The following NAT16 variants were observed in gnomAD, a reference collection of about 807,000 sequenced individuals.
NAT16 encodes the protein probable N-acetyltransferase 16.
A neutral mutation model predicts 15.9 loss-of-function variants in NAT16; 16 were observed. The ratio of observed to expected loss-of-function variants is 1.01; its 90% CI spans 0.68 to 1.53. The LOEUF is 1.53. NAT16 is among the 40% of genes most tolerant of loss of function. The probability of loss-of-function intolerance (pLI) is 0.00; values close to 1 mark genes in which losing one functional copy is unlikely to be tolerated. For synonymous variants in NAT16, 260 were observed against 241.9 expected, an observed-to-expected ratio of 1.07 and a Z score of -0.69; for missense variants, 572 against 508.4, an observed-to-expected ratio of 1.13 and a Z score of -1.20.
rs1396458548 is a variant in NAT16 at position 101,174,510 on chromosome 7, G to A, written c.298C>T (p.Arg100Cys). The A allele has an allele frequency of 6.2e-7, 1 of 1,612,350 alleles. No homozygotes were observed. The highest frequency in any genetic ancestry group is 8.5e-7 in the Non-Finnish European group (1 of 1,179,434). The change falls in exon 2 of 4, where the codon CGC becomes TGC. Residue 100 changes from arginine (R) to cysteine (C), a missense_variant. Physicochemically the swap from Arg to Cys is radical, Grantham distance 180 (BLOSUM62 -3). Coordinates refer to ENST00000300303, the MANE Select transcript of NAT16 (RefSeq NM_198571.3). ...DPDRTVVLAK[R>C]NGGVIALESV... ...CCCGGGCTCACCACGCCTCCGTTGC[G>A]CTTGGCCAGCACCACCGTGCGGTCG...
At chr7:101,176,325 T>C (rs1343421259) in intron 1 of NAT16, among the ~76,000 whole-genome samples, 1 of 151,842 alleles carries the variant, frequency 6.6e-6, no homozygotes, top group Non-Finnish European at 1.5e-5. Context: ...TGAAACCCCA[T>C]CTCTACCAAA....
At position 101,171,808 on chromosome 7, in the gene NAT16, A is replaced by G; in HGVS notation, c.*271T>C. On this transcript the variant is annotated 3_prime_UTR_variant, in exon 4 of 4. Transcript: ENST00000300303. ...TTCTTTGGAAAAACAGAGGGTGGAT[A>G]ACAGCAGCTCAAGGCCCCCACCCCC... 6.9e-6 allele frequency: 3 copies of G among 437,268 alleles called. No individual in the cohort carries two copies. Among genetic ancestry groups the G allele is most frequent in the Non-Finnish European group, 1.2e-5 (3 of 246,110 alleles). The allele number at this position is 437,268 out of a possible 1,614,324, so 27.1% of individuals were successfully genotyped here.
At chr7:101,175,481 C>T (rs1293471827) in intron 1 of NAT16, among the ~76,000 whole-genome samples, 1 of 151,974 alleles carries the variant, frequency 6.6e-6, no homozygotes, top group Non-Finnish European at 1.5e-5. Flanking sequence ...TTCCCACCAG[C>T]TTTCAGAAAT....
At chr7:101,176,672 A>G (rs568120450) in intron 1 of NAT16, among the ~76,000 whole-genome samples, 1 of 142,172 alleles carries the variant, frequency 7.0e-6, no homozygotes, top group East Asian at 2.1e-4. Context: ...TCGGAGCTCC[A>G]CCAAAATGAA....
Position 101,174,579 on chromosome 7 carries a change from G to C in NAT16, c.229C>G (p.Leu77Val). Reference sequence around the variant, plus strand: ...TGGTAGCGGCTAGGAAGGTAGTCCAGGCCGCCGTAGATGCCCCCCGAGATG... The same window carrying C: ...TGGTAGCGGCTAGGAAGGTAGTCCACGCCGCCGTAGATGCCCCCCGAGATG... ...LAISGGIYGG[L>V]DYLPSRYHSW... Residue 77 changes from leucine to valine, a missense_variant, in exon 2 of 4, where the codon CTG (leucine) becomes GTG (valine). Leu to Val is a conservative substitution (Grantham distance 32). Coordinates refer to ENST00000300303, the MANE Select transcript of NAT16 (RefSeq NM_198571.3). 1 of 1,613,976 alleles carries C rather than the reference G, an allele frequency of 6.2e-7. No individual in the cohort carries two copies. The highest frequency in any genetic ancestry group is 8.5e-7 in the Non-Finnish European group (1 of 1,179,940).
intron 1 of NAT16, among the ~76,000 whole-genome samples, chr7:101,178,563 C>G (rs1184630062): frequency 1.3e-5 from 2 of 151,822 alleles, no homozygotes; most frequent in Non-Finnish European, 1.5e-5. Flanking sequence ...GGACCAAGCG[C>G]CCTCCTAAAA....
In NAT16 at chr7:101,173,276, G is replaced by A. The variant is rs1301158720; in HGVS notation, c.537+20C>T. 2.5e-6 allele frequency: 4 copies of A among 1,606,600 alleles called. No homozygotes were observed. In the South Asian group the frequency reaches 4.4e-5, roughly 18 times the overall value. ...CCCCAGCAGAGAGGCCCAGCCATCC[G>A]AGCTCCCTGTCCTTCTCACCTGCTT... On this transcript the variant is annotated intron_variant, in intron 3 of 3. Coordinates refer to ENST00000300303, the MANE Select transcript of NAT16 (RefSeq NM_198571.3).
intron 1 of NAT16, among the ~76,000 whole-genome samples, 155 bp from the exon 2 acceptor site, chr7:101,174,966 A>T (rs531292412): frequency 1.6e-4 from 24 of 151,632 alleles, no homozygotes; most frequent in African/African-American, 5.8e-4. Context: ...TTATTTATTT[A>T]TTTTTTGAGA....
rs1390702881 is a variant in NAT16 at position 101,176,600 on chromosome 7, C to T, written c.-4-1789G>A. On this transcript the variant is annotated intron_variant, in intron 1 of 3. Coordinates refer to ENST00000300303, the MANE Select transcript of NAT16 (RefSeq NM_198571.3). Reference sequence around the variant, plus strand: ...CCCTTTCCTTCCTTCTGCCCCTCTTCCCCATAGGGAGACTTGGGCTCTGTC... The same window carrying T: ...CCCTTTCCTTCCTTCTGCCCCTCTTTCCCATAGGGAGACTTGGGCTCTGTC... 3.7e-5 allele frequency among the ~76,000 whole-genome samples: 5 copies of T among 136,428 alleles called. No homozygotes were observed. In the East Asian group the frequency reaches 1.3e-3, roughly 35 times the overall value. The allele number at this position is 136,428 out of a possible 152,430, so 89.5% of individuals were successfully genotyped here.
At chr7:101,176,697 A>G (rs1365718607) in intron 1 of NAT16, among the ~76,000 whole-genome samples, 1 of 151,520 alleles carries the variant, frequency 6.6e-6, no homozygotes, top group Non-Finnish European at 1.5e-5. Flanking sequence ...AAAGCCCCCT[A>G]TCCAAGTCCC....
At chr7:101,177,505 G>C (rs1797492546) in intron 1 of NAT16, among the ~76,000 whole-genome samples, 1 of 152,046 alleles carries the variant, frequency 6.6e-6, no homozygotes, top group South Asian at 2.1e-4. Context: ...ACCACACCTG[G>C]CTACTTTCTA....
At position 101,174,625 on chromosome 7, in the gene NAT16, C is replaced by G. The variant is rs1029795744; in HGVS notation, c.183G>C (p.Arg61=). ...AGATGGCCAGCACTTCCTCAAACTC[C>G]CGTTCCGTGGCCACCACGAAGTCCA... ...EPLDFVVATE[R]EFEEVLAISG... is the part of the protein sequence containing the mutation. Residue 61 remains arginine (R), a synonymous_variant, in exon 2 of 4, where the codon CGG becomes CGC. Transcript: ENST00000300303. The G allele has an allele frequency of 3.7e-6, 6 of 1,614,104 alleles. No individual in the cohort carries two copies. In the East Asian group the frequency reaches 1.1e-4, roughly 30 times the overall value.
chr7:101,179,397 C>G (rs1797542639), intron 1 of NAT16, among the ~76,000 whole-genome samples: 1 of 151,406 alleles, frequency 6.6e-6, no homozygotes. Context: ...GCACGCACCC[C>G]CTCCCCTGGG....
At chr7:101,176,282 G>T (rs1353676736) in intron 1 of NAT16, among the ~76,000 whole-genome samples, 4 of 152,152 alleles carry the variant, frequency 2.6e-5, no homozygotes, top group Admixed American at 1.3e-4. Flanking sequence ...ATCACCTGAG[G>T]TCAGGAGTTC....
intron 1 of NAT16, among the ~76,000 whole-genome samples, chr7:101,177,482 A>G (rs924714142): frequency 3.9e-5 from 6 of 152,020 alleles, no homozygotes; most frequent in Admixed American, 1.3e-4. Flanking sequence ...AGCTAGGACT[A>G]CAGGCATGTG....
At chr7:101,178,517 C>T (rs1008058499) in intron 1 of NAT16, among the ~76,000 whole-genome samples, 12 of 151,662 alleles carry the variant, frequency 7.9e-5, no homozygotes, top group African/African-American at 2.7e-4. Flanking sequence ...CTGGTGAGTC[C>T]AGGGCACTGT....
Position 101,170,590 on chromosome 7 carries a change from A to C in NAT16, c.*1489T>G, listed in dbSNP as rs1797296335. 1 of 152,480 alleles carries C rather than the reference A, an allele frequency of 6.6e-6. No individual in the cohort carries two copies. The highest frequency in any genetic ancestry group is 1.5e-5 in the Non-Finnish European group (1 of 68,112). The allele number at this position is 152,480 out of a possible 1,614,324, so 9.4% of individuals were successfully genotyped here. On this transcript the variant is annotated 3_prime_UTR_variant, in exon 4 of 4. Coordinates refer to ENST00000300303, the MANE Select transcript of NAT16 (RefSeq NM_198571.3). Reference sequence around the variant, plus strand: ...GGCACAGGATGCACCCAAGGAGAGCAGCACAGTAGCAAAACCAGAGCTGCG... The same window carrying C: ...GGCACAGGATGCACCCAAGGAGAGCCGCACAGTAGCAAAACCAGAGCTGCG...
chr7:101,173,467 C>T lies in NAT16; in HGVS notation c.366G>A (p.Glu122=). Residue 122 remains glutamate, a synonymous_variant, in exon 3 of 4, where the codon GAG becomes GAA. Coordinates refer to ENST00000300303, the MANE Select transcript of NAT16 (RefSeq NM_198571.3). Reference sequence around the variant, plus strand: ...GCTCCCAGGGCGCCACGCGCAGCCCCTCCACCAGCACCGTCTCCCCGGCGT... The same window carrying T: ...GCTCCCAGGGCGCCACGCGCAGCCCTTCCACCAGCACCGTCTCCCCGGCGT... ...VIDAGETVLV[E]GLRVAPWERG... is the part of the protein sequence containing the mutation. The T allele has an allele frequency of 5.0e-6, 8 of 1,611,498 alleles. No individual in the cohort carries two copies. Among genetic ancestry groups the T allele is most frequent in the Non-Finnish European group, 6.8e-6 (8 of 1,178,790 alleles).
At position 101,174,703 on chromosome 7, in the gene NAT16, C is replaced by T; in HGVS notation, c.105G>A (p.Glu35=). The part of the protein sequence containing the change: ...AEPSSETRPQ[E]VEAEPRSGSG... ...ATCCCGACCTGGGCTCGGCCTCCACCTCCTGTGGCCGGGTTTCAGAGCTTG... is the reference window on the plus strand; with the variant it reads ...ATCCCGACCTGGGCTCGGCCTCCACTTCCTGTGGCCGGGTTTCAGAGCTTG... The change falls in exon 2 of 4, where the codon GAG becomes GAA. Residue 35 remains glutamate, a synonymous_variant. Coordinates refer to ENST00000300303, the MANE Select transcript of NAT16 (RefSeq NM_198571.3). The T allele has an allele frequency of 6.2e-7, 1 of 1,613,382 alleles. No homozygotes were observed. Among genetic ancestry groups the T allele is most frequent in the South Asian group, 1.1e-5 (1 of 91,086 alleles).
Sources: allele counts gnomAD v4.1 joint callset (sites outside exome capture counted in the v4.1 genomes callset), GRCh38; gene constraint gnomAD v4.1.1; transcripts MANE v1.5; gene names NCBI Gene and HGNC (gene_info 2026-07-23, HGNC 2026-07-21).